NEURL1B: variants seen among roughly 807,000 people sequenced by gnomAD.
NEURL1B encodes the protein E3 ubiquitin-protein ligase NEURL1B.
In NEURL1B, 13 loss-of-function variants were observed where a neutral mutation model predicts 37.4. That is an observed-to-expected ratio of 0.35 (90% CI 0.23 to 0.55). NEURL1B has a LOEUF of 0.55. Ranked by LOEUF, NEURL1B falls within the 20% of genes least tolerant of loss-of-function variation. The pLI, the probability that NEURL1B is intolerant of heterozygous loss-of-function variation, is 0.89. For synonymous variants in NEURL1B, 432 were observed against 426.6 expected (o/e 1.01, Z -0.16); for missense variants, 790 against 879.2 (o/e 0.90, Z 1.28).
chr5:172,683,923 C>A lies in NEURL1B; in HGVS notation c.1082C>A (p.Ala361Glu). Reference sequence around the variant, plus strand: ...AACGAGCTGCCCGCCGACCCAGACGCGCTGCTCGACCGCAAAGAGTACTGG... The same window carrying A: ...AACGAGCTGCCCGCCGACCCAGACGAGCTGCTCGACCGCAAAGAGTACTGG... The part of the protein sequence containing the change: ...RPNELPADPD[A>E]LLDRKEYWVV... The change falls in exon 3 of 5, where the codon GCG (alanine) becomes GAG (glutamate). Residue 361 changes from alanine to glutamate, a missense_variant. Physicochemically the swap from Ala to Glu is moderately radical, Grantham distance 107 (BLOSUM62 -1). This residue lies in a region of NEURL1B where 460 missense variants were observed against 407.4 expected (regional missense o/e 1.13). Transcript: ENST00000369800. The surrounding 1 kb of genome is among the most constrained non-coding windows in gnomAD (Gnocchi z 5.6). The A allele has an allele frequency of 7.1e-7, 1 of 1,407,180 alleles. No individual in the cohort carries two copies. The highest frequency in any genetic ancestry group is 9.3e-7 in the Non-Finnish European group (1 of 1,075,104). The allele number at this position is 1,407,180 out of a possible 1,614,324, so 87.2% of individuals were successfully genotyped here. A position where few individuals can be genotyped will look rare whatever the true frequency, so the allele number is the denominator to read the frequency against.
At position 172,647,307 on chromosome 5, in the gene NEURL1B, C is replaced by T. The variant is rs1757577358; in HGVS notation, c.31+5870C>T. Among the ~76,000 whole-genome samples the T allele has an allele frequency of 6.6e-6, 1 of 152,134 alleles. No individual in the cohort carries two copies. The highest frequency in any genetic ancestry group is 1.5e-5 in the Non-Finnish European group (1 of 68,010). ...TAGCACACGCTCACCTGGGCAGTGT[C>T]GCGGGGTGGTCCGAGCTTCTGCACA... On this transcript the variant is annotated intron_variant, in intron 1 of 4. Transcript: ENST00000369800. The surrounding 1 kb of genome is among the most constrained non-coding windows in gnomAD (Gnocchi z 4.2).
In NEURL1B at chr5:172,667,275, T is replaced by TAAAAAAAAAAAAAAAA. The variant is rs55663413; in HGVS notation, c.32-2504_32-2489dup. Among the ~76,000 whole-genome samples, 34 of 72,284 alleles carry TAAAAAAAAAAAAAAAA rather than the reference T, an allele frequency of 4.7e-4. 4 individuals carry two copies. Among genetic ancestry groups the TAAAAAAAAAAAAAAAA allele is most frequent in the African/African-American group, 2.2e-3 (27 of 12,418 alleles). The allele number at this position is 72,284 out of a possible 152,430, so 47.4% of individuals were successfully genotyped here. On this transcript the variant is annotated intron_variant, in intron 1 of 4. Transcript: ENST00000369800. ...CAACATGGTGAAACCCTGTCTCTAC[T>TAAAAAAAAAAAAAAAA]AAAAAAAAAAAAAAAAAAAAATTAG...
chr5:172,670,407 C>G, intron 2 of NEURL1B, 77 bp downstream of exon 2: 1 of 1,181,038 alleles, frequency 8.5e-7, no homozygotes, highest in African/African-American at 1.6e-5. Flanking sequence ...CATTAGTAGC[C>G]ACAGTCACTT....
At position 172,675,177 on chromosome 5, in the gene NEURL1B, G is replaced by A. The variant is rs1023435787; in HGVS notation, c.577+4847G>A. 8.5e-5 allele frequency among the ~76,000 whole-genome samples: 13 copies of A among 152,238 alleles called. No individual in the cohort carries two copies. Among genetic ancestry groups the A allele is most frequent in the Middle Eastern group, 3.4e-3 (1 of 294 alleles). ...CAGGCATGAGCCACCATGCCTGGCC[G>A]AATGTATCTTTTAAAAATAGGTAGA... On this transcript the variant is annotated intron_variant, in intron 2 of 4. Transcript: ENST00000369800. This position sits in a 1 kb window ranked among gnomAD's most constrained non-coding sequence, Gnocchi z 4.7.
In NEURL1B at chr5:172,686,913, C is replaced by A; in HGVS notation, c.1656C>A (p.Ile552=). 6.5e-7 allele frequency: 1 copy of A among 1,548,694 alleles called. No homozygotes were observed. Residue 552 remains isoleucine (I), a synonymous_variant, in exon 5 of 5, where the codon ATC becomes ATA. Transcript: ENST00000369800. The surrounding 1 kb of genome is among the most constrained non-coding windows in gnomAD (Gnocchi z 7.9). ...CRRPIKDVIK[I]YRP is the part of the protein sequence containing the mutation. ...GGCCCATCAAGGACGTCATTAAGAT[C>A]TACAGGCCATAGCCTAGCCTGCCCA...
In NEURL1B at chr5:172,683,764, G is replaced by A. The variant is rs1427750969; in HGVS notation, c.923G>A (p.Arg308His). The A allele has an allele frequency of 7.7e-7, 1 of 1,307,146 alleles. No individual in the cohort carries two copies. 81.0% of individuals were successfully genotyped at this position (1,307,146 alleles called of 1,614,324 possible). ...TGCGCACCGCGGCCCGACGGCGGCC[G>A]CACGCTGGTCTTCTCCGAGCGCCCG... is the stretch of plus-strand genomic sequence containing the variant. ...VACAPRPDGG[R>H]TLVFSERPLR... The change falls in exon 3 of 5, where the codon CGC (arginine) becomes CAC (histidine). Residue 308 changes from arginine (R) to histidine (H), a missense_variant. Transcript: ENST00000369800. This position sits in a 1 kb window ranked among gnomAD's most constrained non-coding sequence, Gnocchi z 5.6.
chr5:172,679,141 G>A (rs1758297279), intron 2 of NEURL1B, among the ~76,000 whole-genome samples: 1 of 152,272 alleles, frequency 6.6e-6, no homozygotes, highest in Non-Finnish European at 1.5e-5. Flanking sequence ...GCTGCTCTCA[G>A]AGCTGAACGA....
At chr5:172,669,408 GC>G (rs1270684590) in intron 1 of NEURL1B, among the ~76,000 whole-genome samples, 2 of 152,188 alleles carry the variant, frequency 1.3e-5, no homozygotes, top group East Asian at 3.8e-4. Context: ...GGACTCTGTG[GC>G]CCAGAGGTGG....
At position 172,683,315 on chromosome 5, in the gene NEURL1B, G is replaced by A; in HGVS notation, c.578-104G>A. On this transcript the variant is annotated intron_variant, in intron 2 of 4. Coordinates refer to ENST00000369800, the MANE Select transcript of NEURL1B (RefSeq NM_001142651.3). This position sits in a 1 kb window ranked among gnomAD's most constrained non-coding sequence, Gnocchi z 5.6. ...GTGGGGTGGGGGCTGCTCGAGGCCC[G>A]GGTCGGTCGTGGAGGCCTGCAGGAG... 2.5e-6 allele frequency: 3 copies of A among 1,223,474 alleles called. No homozygotes were observed. Among genetic ancestry groups the A allele is most frequent in the African/African-American group, 1.6e-5 (1 of 63,610 alleles). The allele number at this position is 1,223,474 out of a possible 1,614,324, so 75.8% of individuals were successfully genotyped here.
In NEURL1B at chr5:172,684,551, A is replaced by G. The variant is rs536493640; in HGVS notation, c.1297+413A>G. Among the ~76,000 whole-genome samples the G allele has an allele frequency of 6.4e-4, 97 of 152,356 alleles. 1 individual carries two copies. The highest frequency in any genetic ancestry group is 7.8e-4 in the Non-Finnish European group (53 of 68,042). ...TTTGTTACATTAGGGTGTTTTTAAC[A>G]TGTAATGCACAGTAAGTGTAGGGAA... On this transcript the variant is annotated intron_variant, in intron 3 of 4. Transcript: ENST00000369800.
chr5:172,678,020 G>A (rs1053091487), intron 2 of NEURL1B, among the ~76,000 whole-genome samples: 4 of 151,864 alleles, frequency 2.6e-5, no homozygotes, highest in Non-Finnish European at 5.9e-5. Flanking sequence ...CCACTACCGG[G>A]CCCCTCGCTT....
chr5:172,677,716 C>T (rs1758257779), intron 2 of NEURL1B, among the ~76,000 whole-genome samples: 1 of 152,184 alleles, frequency 6.6e-6, no homozygotes, highest in Non-Finnish European at 1.5e-5. Flanking sequence ...CCTGTCCCCT[C>T]CTGCCTGCTC....
In NEURL1B at chr5:172,686,407, T is replaced by C; in HGVS notation, c.1423+111T>C. 8.7e-7 allele frequency: 1 copy of C among 1,152,230 alleles called. No individual in the cohort carries two copies. Among genetic ancestry groups the C allele is most frequent in the Non-Finnish European group, 1.2e-6 (1 of 810,502 alleles). The allele number at this position is 1,152,230 out of a possible 1,614,324, so 71.4% of individuals were successfully genotyped here. ...GCAGGGTGGCCGCCTTTCCCCCGCATCCTCTCCTTCCCTCAGCTGTATGCT... is the reference window on the plus strand; with the variant it reads ...GCAGGGTGGCCGCCTTTCCCCCGCACCCTCTCCTTCCCTCAGCTGTATGCT... On this transcript the variant is annotated intron_variant, in intron 4 of 4. Transcript: ENST00000369800. The surrounding 1 kb of genome is among the most constrained non-coding windows in gnomAD (Gnocchi z 7.9).
Position 172,647,128 on chromosome 5 carries a change from A to G in NEURL1B, c.31+5691A>G, listed in dbSNP as rs1361872766. Among the ~76,000 whole-genome samples the G allele has an allele frequency of 6.6e-6, 1 of 152,120 alleles. No individual in the cohort carries two copies. The highest frequency in any genetic ancestry group is 2.4e-5 in the African/African-American group (1 of 41,412). On this transcript the variant is annotated intron_variant, in intron 1 of 4. Coordinates refer to ENST00000369800, the MANE Select transcript of NEURL1B (RefSeq NM_001142651.3). The surrounding 1 kb of genome is among the most constrained non-coding windows in gnomAD (Gnocchi z 4.2). ...ACAGGCTGTTTAATCTCCCCCATGG[A>G]GAAGAGTCAGCTCTGCCTCTCTTTT...
In NEURL1B at chr5:172,690,018, C is replaced by A. The variant is rs1374021166; in HGVS notation, c.*3093C>A. Reference sequence around the variant, plus strand: ...CTTCCTAGGCCCCGTGATCACCACCCCCTCAAGCGGGGCCCCAGCCCCCTG... The same window carrying A: ...CTTCCTAGGCCCCGTGATCACCACCACCTCAAGCGGGGCCCCAGCCCCCTG... On this transcript the variant is annotated 3_prime_UTR_variant, in exon 5 of 5. Coordinates refer to ENST00000369800, the MANE Select transcript of NEURL1B (RefSeq NM_001142651.3). 1 of 152,376 alleles carries A rather than the reference C, an allele frequency of 6.6e-6. No homozygotes were observed. Among genetic ancestry groups the A allele is most frequent in the Non-Finnish European group, 1.5e-5 (1 of 68,158 alleles). The allele number at this position is 152,376 out of a possible 1,614,324, so 9.4% of individuals were successfully genotyped here.
At chr5:172,684,951 A>G (rs73803489) in intron 3 of NEURL1B, among the ~76,000 whole-genome samples, 24,345 of 152,202 alleles carry the variant, frequency 0.16, 2,232 homozygotes, top group African/African-American at 0.25. Flanking sequence ...GAAGCAGTCA[A>G]CAGCTCATAT....
intron 1 of NEURL1B, among the ~76,000 whole-genome samples, chr5:172,645,821 A>C (rs1395259583): frequency 6.6e-6 from 1 of 152,126 alleles, no homozygotes; most frequent in Non-Finnish European, 1.5e-5. Context: ...CACATCACTA[A>C]AGAGCACAAG....
chr5:172,641,402 C>T lies in NEURL1B; in HGVS notation c.-5C>T, dbSNP rs1416680326. The stretch of plus-strand genomic sequence containing the variant: ...GCCGCCGCCAACGCCGCGCCCGACG[C>T]AGCGATGGGCAACACGGTGCACCGG... On this transcript the variant is annotated 5_prime_UTR_variant, in exon 1 of 5. Coordinates refer to ENST00000369800, the MANE Select transcript of NEURL1B (RefSeq NM_001142651.3). This position sits in a 1 kb window ranked among gnomAD's most constrained non-coding sequence, Gnocchi z 6.4. 1 of 1,372,272 alleles carries T rather than the reference C, an allele frequency of 7.3e-7. No homozygotes were observed. Among genetic ancestry groups the T allele is most frequent in the Admixed American group, 3.3e-5 (1 of 30,020 alleles). The allele number at this position is 1,372,272 out of a possible 1,614,324, so 85.0% of individuals were successfully genotyped here. A position where few individuals can be genotyped will look rare whatever the true frequency, so the allele number is the denominator to read the frequency against.
At chr5:172,643,029 A>C (rs974441203) in intron 1 of NEURL1B, among the ~76,000 whole-genome samples, 1 of 152,268 alleles carries the variant, frequency 6.6e-6, no homozygotes, top group African/African-American at 2.4e-5. Context: ...CCTGTGGGTC[A>C]GCCCTGGGGT....
Sources: gnomAD v4.1 joint callset for allele counts (sites outside exome capture counted in the v4.1 genomes callset) on GRCh38, gnomAD v4.1.1 for gene constraint, gnomAD v4.1.1 regional missense constraint, Gnocchi (gnomAD v3.1) non-coding constraint, MANE v1.5 for transcripts, NCBI Gene and HGNC (gene_info 2026-07-23, HGNC 2026-07-21) for gene names.